NAALAD2: variants seen among roughly 807,000 people sequenced by gnomAD.
NAALAD2 encodes the protein N-acetylated alpha-linked acidic dipeptidase 2, also known as N-acetylated-alpha-linked acidic dipeptidase 2.
Under a neutral mutation model 95.6 loss-of-function variants are expected in NAALAD2, and 89 were observed. The ratio of observed to expected loss-of-function variants is 0.93; its 90% CI spans 0.78 to 1.11. The LOEUF (loss-of-function observed/expected upper bound fraction) is 1.11. Among genes scored for constraint, NAALAD2 ranks in the 50% least tolerant of loss-of-function variants. The pLI is 0.00. For synonymous variants in NAALAD2, 264 were observed against 294.4 expected (o/e 0.90, Z 1.06); for missense variants, 894 against 872.4 (o/e 1.02, Z -0.31).
chr11:90,137,958 T>TA (rs1254266786), intron 2 of NAALAD2, among the ~76,000 whole-genome samples: 1 of 151,912 alleles, frequency 6.6e-6, no homozygotes, highest in Non-Finnish European at 1.5e-5. Flanking sequence ...ATGGAGATTT[T>TA]AGAGTTCTTT....
At chr11:90,185,784 C>T (rs1393290773) in intron 18 of NAALAD2, among the ~76,000 whole-genome samples, 1 of 151,172 alleles carries the variant, frequency 6.6e-6, no homozygotes, top group Non-Finnish European at 1.5e-5. Context: ...GTATGGATGT[C>T]CTTGAGTCCT....
chr11:90,160,971 C>T (rs547915198), intron 8 of NAALAD2, among the ~76,000 whole-genome samples: 19 of 152,208 alleles, frequency 1.2e-4, no homozygotes, highest in African/African-American at 4.6e-4. Flanking sequence ...ACATAAAGGC[C>T]AACTCCAAAT....
chr11:90,148,966 C>G lies in NAALAD2; in HGVS notation c.382-40C>G, dbSNP rs773078768. 5 of 1,269,346 alleles carry G rather than the reference C, an allele frequency of 3.9e-6. No homozygotes were observed. In the Admixed American group the frequency reaches 9.4e-5, roughly 24 times the overall value. 78.6% of individuals were successfully genotyped at this position (1,269,346 alleles called of 1,614,324 possible). ...AAATGAATTATATCTTAATAATAAT[C>G]TGGAATTTTTCTAACTTGACATATT... On this transcript the variant is annotated intron_variant, in intron 3 of 18. Coordinates refer to ENST00000534061, the MANE Select transcript of NAALAD2 (RefSeq NM_005467.4).
At chr11:90,137,606 T>C (rs894245536) in intron 2 of NAALAD2, among the ~76,000 whole-genome samples, 1 of 152,124 alleles carries the variant, frequency 6.6e-6, no homozygotes, top group African/African-American at 2.4e-5. Flanking sequence ...TTGTTTGTTG[T>C]TGATGTTGTT....
At chr11:90,154,838 G>GTATATACGTATACATAATATGTATATAT (rs1565521242) in intron 6 of NAALAD2, among the ~76,000 whole-genome samples, 1,412 of 122,598 alleles carry the variant, frequency 0.012, 181 homozygotes, top group African/African-American at 0.041. Flanking sequence ...ATGTTACATA[G>GTATATACGTATACATAATATGTATATAT]TATATACGTA....
chr11:90,181,607 AT>A lies in NAALAD2; in HGVS notation c.1859-8del, dbSNP rs748561345. 15 of 1,563,330 alleles carry A rather than the reference AT, an allele frequency of 9.6e-6. No homozygotes were observed. The African/African-American group carries it at 1.9e-4, about 20-fold the overall frequency. ...GAGCTAATTTCTCTTCTTCTTTTCT[AT>A]TTTTAAAAAAGACTCCTTATTTTCT... On this transcript the variant is annotated splice_polypyrimidine_tract_variant and intron_variant, in intron 16 of 18. Coordinates refer to ENST00000534061, the MANE Select transcript of NAALAD2 (RefSeq NM_005467.4).
At chr11:90,180,558 T>A (rs774198713) in intron 16 of NAALAD2, among the ~76,000 whole-genome samples, 1 of 152,122 alleles carries the variant, frequency 6.6e-6, no homozygotes, top group Non-Finnish European at 1.5e-5. Context: ...AGAAATTCTT[T>A]CCATTAGGTG....
At chr11:90,167,114 C>T (rs1952479406) in intron 11 of NAALAD2, among the ~76,000 whole-genome samples, 1 of 152,250 alleles carries the variant, frequency 6.6e-6, no homozygotes, top group African/African-American at 2.4e-5. Flanking sequence ...CTTCAGCCCG[C>T]CGCTGCACTG....
upstream of NAALAD2, among the ~76,000 whole-genome samples, chr11:90,132,483 G>A (rs1260009668): frequency 6.6e-6 from 1 of 152,092 alleles, no homozygotes; most frequent in African/African-American, 2.4e-5. Flanking sequence ...GGTCCAATGG[G>A]TAGCAAATAG....
In NAALAD2 at chr11:90,158,326, T is replaced by A. The variant is rs769812809; in HGVS notation, c.890+88T>A. On this transcript the variant is annotated intron_variant, in intron 7 of 18. Transcript: ENST00000534061. ...GAAAACCAATATGGCATTCTTATGT[T>A]AAACACAAAGTTTTATAACTAAATA... 2.5e-5 allele frequency: 23 copies of A among 923,856 alleles called. 1 individual carries two copies. In the Admixed American group the frequency reaches 4.6e-4, roughly 18 times the overall value. The allele number at this position is 923,856 out of a possible 1,614,324, so 57.2% of individuals were successfully genotyped here.
At chr11:90,154,406 T>G (rs1951973486) in intron 6 of NAALAD2, among the ~76,000 whole-genome samples, 1 of 151,944 alleles carries the variant, frequency 6.6e-6, no homozygotes, top group South Asian at 2.1e-4. Context: ...GAGATGATCA[T>G]ATGTTATCAT....
chr11:90,139,855 CTTTTTT>C (rs71472281), intron 2 of NAALAD2, among the ~76,000 whole-genome samples: 1 of 144,178 alleles, frequency 6.9e-6, no homozygotes. Context: ...CAAACTTTTC[CTTTTTT>C]TTTTTTTTTT....
rs515009 is a variant in NAALAD2, at chr11:90,181,707, T to C, written c.1940+6T>C. 5 of 1,533,530 alleles carry C rather than the reference T, an allele frequency of 3.3e-6. No homozygotes were observed. The highest frequency in any genetic ancestry group is 4.4e-6 in the Non-Finnish European group (5 of 1,135,370). The allele number at this position is 1,533,530 out of a possible 1,614,324, so 95.0% of individuals were successfully genotyped here. On this transcript the variant is annotated splice_donor_region_variant and intron_variant, in intron 17 of 18. Coordinates refer to ENST00000534061, the MANE Select transcript of NAALAD2 (RefSeq NM_005467.4). Reference sequence around the variant, plus strand: ...ATACAAGTTGATCTTAACAAGTAAGTTTCAAATCCCTTTTTTTTTAAAAAA... The same window carrying C: ...ATACAAGTTGATCTTAACAAGTAAGCTTCAAATCCCTTTTTTTTTAAAAAA...
intron 11 of NAALAD2, among the ~76,000 whole-genome samples, chr11:90,167,685 C>G (rs1952511551): frequency 6.6e-6 from 1 of 152,122 alleles, no homozygotes; most frequent in African/African-American, 2.4e-5. Flanking sequence ...GTATCTAGCT[C>G]AAGGTTTGTA....
chr11:90,170,023 C>G lies in NAALAD2; in HGVS notation c.1343-46C>G, dbSNP rs745709176. On this transcript the variant is annotated intron_variant, in intron 12 of 18. Coordinates refer to ENST00000534061, the MANE Select transcript of NAALAD2 (RefSeq NM_005467.4). ...AGTTAGAATTAAACAAATGGAATTT[C>G]ATTTAGAAGTATGAAATAATACTCT... 5.4e-6 allele frequency: 6 copies of G among 1,107,072 alleles called. No individual in the cohort carries two copies. The African/African-American group carries it at 9.3e-5, about 17-fold the overall frequency. The allele number at this position is 1,107,072 out of a possible 1,614,324, so 68.6% of individuals were successfully genotyped here.
intron 12 of NAALAD2, chr11:90,169,670 T>C (rs2134946504): frequency 5.7e-6 from 1 of 176,056 alleles, no homozygotes; most frequent in Admixed American, 6.0e-5. Flanking sequence ...TCTAAATAAA[T>C]GTTAGAACCT....
intron 16 of NAALAD2, among the ~76,000 whole-genome samples, chr11:90,179,088 A>G (rs1489478892): frequency 6.6e-6 from 1 of 152,250 alleles, no homozygotes; most frequent in Admixed American, 6.5e-5. Context: ...AAAAAAGAAC[A>G]TATCATGTTT....
chr11:90,146,546 T>C (rs558415391), intron 2 of NAALAD2, among the ~76,000 whole-genome samples: 3 of 151,634 alleles, frequency 2.0e-5, no homozygotes, highest in African/African-American at 7.3e-5. Context: ...TTTTGGTAGA[T>C]ACGGGGTAGT....
intron 2 of NAALAD2, among the ~76,000 whole-genome samples, chr11:90,140,770 A>C (rs1432865625): frequency 6.6e-6 from 1 of 152,210 alleles, no homozygotes; most frequent in Non-Finnish European, 1.5e-5. Context: ...TTTTGGGTTC[A>C]TATCTAAGAA....
Sources: gnomAD v4.1 joint callset for allele counts (sites outside exome capture counted in the v4.1 genomes callset) on GRCh38, gnomAD v4.1.1 for gene constraint, MANE v1.5 for transcripts, NCBI Gene and HGNC (gene_info 2026-07-23, HGNC 2026-07-21) for gene names.